SRGAP2C: variants seen among roughly 807,000 people sequenced by gnomAD.
SRGAP2C encodes SLIT-ROBO Rho GTPase-activating protein 2C.
SRGAP2C carries 15 observed loss-of-function variants against 25.1 expected under a neutral mutation model. That is an observed-to-expected ratio of 0.60 (90% confidence interval 0.40 to 0.92). The LOEUF (loss-of-function observed/expected upper bound fraction) is 0.92. SRGAP2C is among the 40% of genes least tolerant of loss of function. The probability of loss-of-function intolerance (pLI) is 0.00; values close to 1 mark genes in which losing one functional copy is unlikely to be tolerated. For synonymous variants in SRGAP2C, 44 were observed against 96.6 expected, an observed-to-expected ratio of 0.46 and a Z score of 3.19; for missense variants, 144 against 264.4, an observed-to-expected ratio of 0.54 and a Z score of 3.16.
chr1:121,228,900 G>A (rs1655749532), intron 2 of SRGAP2C, among the ~76,000 whole-genome samples: 2 of 151,820 alleles, frequency 1.3e-5, no homozygotes, highest in South Asian at 4.2e-4. Context: ...CAGGGAGAGG[G>A]AGCCTCCATA....
chr1:121,248,534 C>T (rs1182053813), intron 2 of SRGAP2C, among the ~76,000 whole-genome samples: 1 of 147,382 alleles, frequency 6.8e-6, no homozygotes, highest in African/African-American at 2.5e-5. Context: ...GCAAGCTCCG[C>T]CTCCCGGGTT....
chr1:121,292,252 A>G (rs1189358833), intron 3 of SRGAP2C, among the ~76,000 whole-genome samples: 6 of 150,080 alleles, frequency 4.0e-5, no homozygotes, highest in Non-Finnish European at 7.4e-5. Context: ...TCTCAATGCA[A>G]CATTAGTAAC....
At chr1:121,217,893 G>T (rs1553325007) in intron 2 of SRGAP2C, among the ~76,000 whole-genome samples, 1 of 151,204 alleles carries the variant, frequency 6.6e-6, no homozygotes, top group African/African-American at 2.4e-5. Context: ...CTCAACACCT[G>T]CGACATTTTC....
At chr1:121,372,003 G>A (rs1184800657) in intron 5 of SRGAP2C, among the ~76,000 whole-genome samples, 4 of 152,094 alleles carry the variant, frequency 2.6e-5, no homozygotes, top group Non-Finnish European at 4.4e-5. Context: ...GGGTCTGTTT[G>A]AATTACTTAG....
intron 2 of SRGAP2C, among the ~76,000 whole-genome samples, chr1:121,268,106 G>C (rs1239430695): frequency 1.4e-5 from 2 of 146,456 alleles, no homozygotes; most frequent in African/African-American, 5.0e-5. Flanking sequence ...TTACACTCTA[G>C]TGGGAGGAGA....
chr1:121,279,989 A>T (rs1349906108), intron 2 of SRGAP2C, among the ~76,000 whole-genome samples: 3 of 151,678 alleles, frequency 2.0e-5, no homozygotes, highest in Admixed American at 6.6e-5. Context: ...AGAATATGCT[A>T]TGTGGTGGGG....
intron 2 of SRGAP2C, among the ~76,000 whole-genome samples, chr1:121,202,629 ATGT>A (rs1655013477): frequency 6.6e-6 from 1 of 150,522 alleles, no homozygotes; most frequent in Admixed American, 6.6e-5. Flanking sequence ...GGGTTTCACC[ATGT>A]TGTTCAGGCT....
At chr1:121,234,894 C>G (rs1295285845) in intron 2 of SRGAP2C, among the ~76,000 whole-genome samples, 2 of 151,448 alleles carry the variant, frequency 1.3e-5, no homozygotes, top group Non-Finnish European at 2.9e-5. Flanking sequence ...TCACCAGAGG[C>G]AGGTTCCTTG....
In SRGAP2C at chr1:121,391,989, AAGT is replaced by A. The variant is rs1170741254; in HGVS notation, c.*4137_*4139del. On this transcript the variant is annotated 3_prime_UTR_variant, in exon 10 of 10. Transcript: ENST00000367123. Reference sequence around the variant, plus strand: ...TAAAGGAATCAGAAAAAATATTAAAAAGTAGGAATATCAGCAAAGAGATAACAA... The same window carrying A: ...TAAAGGAATCAGAAAAAATATTAAAAAGGAATATCAGCAAAGAGATAACAA... 1 of 152,274 alleles carries A rather than the reference AAGT, an allele frequency of 6.6e-6. No homozygotes were observed. The highest frequency in any genetic ancestry group is 1.5e-5 in the Non-Finnish European group (1 of 68,042). The allele number at this position is 152,274 out of a possible 1,614,324, so 9.4% of individuals were successfully genotyped here.
chr1:121,202,493 A>G (rs1655008965), intron 2 of SRGAP2C, among the ~76,000 whole-genome samples: 1 of 139,886 alleles, frequency 7.1e-6, no homozygotes, highest in Non-Finnish European at 1.5e-5. Flanking sequence ...CAGTGATGTT[A>G]TCTTGGCTCA....
chr1:121,331,237 T>C (rs1438687448), intron 4 of SRGAP2C, among the ~76,000 whole-genome samples: 1 of 55,268 alleles, frequency 1.8e-5, no homozygotes, highest in East Asian at 7.0e-4. Context: ...ACTTTGCAGA[T>C]ATGACTAATT....
chr1:121,218,807 C>A (rs1486285817), intron 2 of SRGAP2C, among the ~76,000 whole-genome samples: 3 of 151,982 alleles, frequency 2.0e-5, no homozygotes, highest in Non-Finnish European at 4.4e-5. Flanking sequence ...TGGGCCAGGG[C>A]TTTTTCTTAA....
intron 2 of SRGAP2C, among the ~76,000 whole-genome samples, chr1:121,244,345 G>A (rs1388722556): frequency 8.9e-6 from 1 of 112,800 alleles, no homozygotes; most frequent in Non-Finnish European, 1.8e-5. Context: ...CAGTGAACAG[G>A]GTTTTATCGT....
chr1:121,238,807 GTCTCACTCT>G (rs1656021975), intron 2 of SRGAP2C, among the ~76,000 whole-genome samples: 1 of 142,128 alleles, frequency 7.0e-6, no homozygotes, highest in Non-Finnish European at 1.5e-5. Flanking sequence ...TTGAGATGGG[GTCTCACTCT>G]TGTTTCCCAG....
chr1:121,332,464 G>A (rs1345585119), intron 4 of SRGAP2C, among the ~76,000 whole-genome samples: 8 of 150,194 alleles, frequency 5.3e-5, no homozygotes, highest in Admixed American at 4.7e-4. Context: ...GGTGAATCTG[G>A]CTTCCTTCAC....
At chr1:121,239,198 A>AC (rs1307329880) in intron 2 of SRGAP2C, among the ~76,000 whole-genome samples, 1 of 3,602 alleles carries the variant, frequency 2.8e-4, no homozygotes, top group African/African-American at 2.9e-3. Context: ...ATATATATAT[A>AC]TATATATATA....
intron 3 of SRGAP2C, among the ~76,000 whole-genome samples, chr1:121,308,939 CAA>C (rs1282103321): frequency 0.013 from 393 of 30,650 alleles, 17 homozygotes; most frequent in South Asian, 0.032. Flanking sequence ...AACTCTGTCT[CAA>C]AAAAAAAAAA....
At chr1:121,201,709 G>A (rs372887224) in intron 2 of SRGAP2C, among the ~76,000 whole-genome samples, 1 of 152,280 alleles carries the variant, frequency 6.6e-6, no homozygotes. Context: ...TGCAGGCTTA[G>A]TGGGCATGAT....
intron 2 of SRGAP2C, among the ~76,000 whole-genome samples, chr1:121,241,931 C>T (rs1342116245): frequency 7.2e-6 from 1 of 138,144 alleles, no homozygotes; most frequent in African/African-American, 2.7e-5. Flanking sequence ...CCTGTAGAAC[C>T]CCTGCTCCTT....
Sources: gnomAD v4.1 joint callset for allele counts (sites outside exome capture counted in the v4.1 genomes callset) on GRCh38, gnomAD v4.1.1 for gene constraint, MANE v1.5 for transcripts, NCBI Gene and HGNC (gene_info 2026-07-23, HGNC 2026-07-21) for gene names.